Variants in HAS1 observed in about 807,000 individuals in gnomAD.
HAS1 encodes the protein HA synthase 1.
In HAS1, 27 loss-of-function variants were observed where a neutral mutation model predicts 35.0. That is an observed-to-expected ratio of 0.77 (90% confidence interval 0.57 to 1.06). The LOEUF (loss-of-function observed/expected upper bound fraction) is 1.06, where lower values mean the gene tolerates loss of function less well. HAS1 is among the 50% of genes least tolerant of loss of function. The pLI is 0.00. For synonymous variants in HAS1, 409 were observed against 371.2 expected, an observed-to-expected ratio of 1.10 and a Z score of -1.17; for missense variants, 940 against 814.8, an observed-to-expected ratio of 1.15 and a Z score of -1.87.
chr19:51,715,513 T>C (rs778279284), intron 4 of HAS1, among the ~76,000 whole-genome samples: 52 of 152,186 alleles, frequency 3.4e-4, no homozygotes, highest in Non-Finnish European at 6.3e-4. Context: ...ATGTTCTACT[T>C]ATTTATTTCT....
At chr19:51,718,091 G>C in intron 2 of HAS1, 1 of 171,276 alleles carries the variant, frequency 5.8e-6, no homozygotes, top group Non-Finnish European at 1.3e-5. Context: ...ACAAAAATTA[G>C]CCAGGCATGA....
At position 51,713,194 on chromosome 19, in the gene HAS1, T is replaced by C. The variant is rs3829650; in HGVS notation, c.*233A>G. 2 of 398,130 alleles carry C rather than the reference T, an allele frequency of 5.0e-6. No individual in the cohort carries two copies. Among genetic ancestry groups the C allele is most frequent in the South Asian group, 1.6e-4 (2 of 12,334 alleles). 24.7% of individuals were successfully genotyped at this position (398,130 alleles called of 1,614,324 possible). A position where few individuals can be genotyped will look rare whatever the true frequency, so the allele number is the denominator to read the frequency against. On this transcript the variant is annotated 3_prime_UTR_variant, in exon 5 of 5. Transcript: ENST00000540069. The surrounding 1 kb of genome is among the most constrained non-coding windows in gnomAD (Gnocchi z 4.5). Reference sequence around the variant, plus strand: ...TAAGAACGAGGAGAAAGCAGGACCCTTTCCCTCCACTCCTCAGATCCCACA... The same window carrying C: ...TAAGAACGAGGAGAAAGCAGGACCCCTTCCCTCCACTCCTCAGATCCCACA...
chr19:51,715,011 C>T (rs2083577553), intron 4 of HAS1, among the ~76,000 whole-genome samples: 1 of 152,082 alleles, frequency 6.6e-6, no homozygotes, highest in Admixed American at 6.6e-5. Flanking sequence ...CTCAAGGGAA[C>T]CATCAGGCCT....
At chr19:51,722,950 G>C (rs138187792) in intron 1 of HAS1, among the ~76,000 whole-genome samples, 52 of 152,270 alleles carry the variant, frequency 3.4e-4, no homozygotes, top group African/African-American at 1.2e-3. Context: ...CATTTCTAGA[G>C]GACAAAACTG....
At chr19:51,721,747 C>CA (rs2083633014) in intron 1 of HAS1, among the ~76,000 whole-genome samples, 1 of 152,082 alleles carries the variant, frequency 6.6e-6, no homozygotes, top group Admixed American at 6.5e-5. Context: ...GCCTGGGTGA[C>CA]AGTGCGAGAC....
chr19:51,714,711 G>A (rs1005145042), intron 4 of HAS1, among the ~76,000 whole-genome samples: 38 of 60,918 alleles, frequency 6.2e-4, no homozygotes, highest in African/African-American at 1.9e-3. Context: ...AAAAAAAAAG[G>A]CTCTCATAAG....
intron 1 of HAS1, 54 bp downstream of exon 1, chr19:51,723,871 C>A (rs1209766885): frequency 2.4e-6 from 3 of 1,270,486 alleles, no homozygotes; most frequent in East Asian, 3.8e-5. Context: ...GTAGTTTTCC[C>A]CACATGGCTG....
chr19:51,722,558 A>T (rs956002354), intron 1 of HAS1, among the ~76,000 whole-genome samples: 6 of 152,256 alleles, frequency 3.9e-5, no homozygotes, highest in Admixed American at 6.5e-5. Flanking sequence ...CTGCAGGCTA[A>T]GAATTTGTGT....
At chr19:51,721,134 G>A (rs7253658) in intron 1 of HAS1, among the ~76,000 whole-genome samples, 1,793 of 152,322 alleles carry the variant, frequency 0.012, 29 homozygotes, top group African/African-American at 0.04. Flanking sequence ...TCCCTGGAAA[G>A]CAGAGGAACC....
rs1343493579 is a variant in HAS1 at position 51,713,811 on chromosome 19, C to T, written c.1350G>A (p.Trp450Ter). The T allele has an allele frequency of 6.2e-7, 1 of 1,606,408 alleles. No homozygotes were observed. Among genetic ancestry groups the T allele is most frequent in the East Asian group, 2.2e-5 (1 of 44,650 alleles). ...GCACCATGCGCAGGCAGCCCCGCAG[C>T]CAGGCCGCGAAGGCCGCCTTGGCCA... ...VALAKAAFAA[W>*]LRGCLRMVLL... is the part of the protein sequence containing the mutation. The change falls in exon 5 of 5, where the codon TGG becomes TGA. Residue 450 changes from tryptophan (W) to a stop codon, truncating the protein, a stop_gained. Coordinates refer to ENST00000540069, the MANE Select transcript of HAS1 (RefSeq NM_001297436.2). LOFTEE classifies it low-confidence loss of function (END_TRUNC). The surrounding 1 kb of genome is among the most constrained non-coding windows in gnomAD (Gnocchi z 4.5).
chr19:51,723,882 T>TACACACACACACACAC, intron 1 of HAS1, 43 bp downstream of exon 1: 1 of 659,644 alleles, frequency 1.5e-6, no homozygotes, highest in East Asian at 6.6e-5. Flanking sequence ...CACATGGCTG[T>TACACACACACACACAC]ATACACACAC....
At chr19:51,717,225 G>T (rs781431255) in intron 2 of HAS1, 32 bp from the exon 3 acceptor site, 7 of 1,444,676 alleles carry the variant, frequency 4.8e-6, no homozygotes, top group Non-Finnish European at 5.8e-6. Flanking sequence ...GATCAGCACA[G>T]ACCCCTGCAT....
chr19:51,713,863 A>G lies in HAS1; in HGVS notation c.1298T>C (p.Val433Ala), dbSNP rs199734719. The G allele has an allele frequency of 1.5e-5, 24 of 1,606,728 alleles. No homozygotes were observed. In the African/African-American group the frequency reaches 3.1e-4, roughly 21 times the overall value. ...YAGRPWALLW[V>A]LLCVQGVALA... ...TGCCACGCCCTGCACGCACAGCAGC[A>G]CCCACAGCAGCGCCCAAGGGCGGCC... Residue 433 changes from valine (V) to alanine (A), a missense_variant, in exon 5 of 5, where the codon GTG (valine) becomes GCG (alanine). Physicochemically the swap from Val to Ala is moderately conservative, Grantham distance 64. Coordinates refer to ENST00000540069, the MANE Select transcript of HAS1 (RefSeq NM_001297436.2). This position sits in a 1 kb window ranked among gnomAD's most constrained non-coding sequence, Gnocchi z 4.5.
Position 51,713,623 on chromosome 19 carries a change from A to C in HAS1, c.1538T>G (p.Leu513Arg), listed in dbSNP as rs1332449531. ...TGCTACGCTGCGGACCAGGCCCCCAAGCAGCAGCAGCGCCCAGAGCGCCAG... is the reference window on the plus strand; with the variant it reads ...TGCTACGCTGCGGACCAGGCCCCCACGCAGCAGCAGCGCCCAGAGCGCCAG... ...LPLALWALLL[L>R]GGLVRSVAHE... Residue 513 changes from leucine (L) to arginine (R), a missense_variant, in exon 5 of 5, where the codon CTT (leucine) becomes CGT (arginine). Transcript: ENST00000540069. The surrounding 1 kb of genome is among the most constrained non-coding windows in gnomAD (Gnocchi z 4.5). 1 of 1,560,324 alleles carries C rather than the reference A, an allele frequency of 6.4e-7. No individual in the cohort carries two copies. Among genetic ancestry groups the C allele is most frequent in the Non-Finnish European group, 8.7e-7 (1 of 1,152,372 alleles).
At chr19:51,718,762 C>T (rs1431472973) in intron 2 of HAS1, among the ~76,000 whole-genome samples, 3 of 152,160 alleles carry the variant, frequency 2.0e-5, no homozygotes, top group African/African-American at 7.2e-5. Context: ...GTCTAGAACT[C>T]CTGACCTCAG....
chr19:51,717,086 A>G lies in HAS1; in HGVS notation c.807T>C (p.Leu269=), dbSNP rs757687431. ...AGCTGACCCAGGAGTCCAGAGGGTT[A>G]AGGATCCGCACGTCCCCACCAACAG... ...VGAVGGDVRI[L]NPLDSWVSFL... is the part of the protein sequence containing the mutation. The change falls in exon 3 of 5, where the codon CTT becomes CTC. Residue 269 remains leucine, a synonymous_variant. Transcript: ENST00000540069. 1.9e-6 allele frequency: 3 copies of G among 1,613,986 alleles called. No homozygotes were observed. The highest frequency in any genetic ancestry group is 2.5e-6 in the Non-Finnish European group (3 of 1,179,916).
At chr19:51,714,133 C>T (rs377646555) in intron 4 of HAS1, 31 bp from the exon 5 acceptor site, 113 of 1,595,052 alleles carry the variant, frequency 7.1e-5, no homozygotes, top group Non-Finnish European at 9.1e-5. Flanking sequence ...AGGGCATCAT[C>T]GCGTGCTCCC....
chr19:51,713,410 C>T lies in HAS1; in HGVS notation c.*17G>A. ...CCTCCCCTGAAGACCCTTGAGGCGG[C>T]ATCCGCGTGGCTGGACTCACACCTG... On this transcript the variant is annotated 3_prime_UTR_variant, in exon 5 of 5. Coordinates refer to ENST00000540069, the MANE Select transcript of HAS1 (RefSeq NM_001297436.2). The surrounding 1 kb of genome is among the most constrained non-coding windows in gnomAD (Gnocchi z 4.5). The T allele has an allele frequency of 6.7e-7, 1 of 1,482,940 alleles. No homozygotes were observed. Among genetic ancestry groups the T allele is most frequent in the Non-Finnish European group, 9.0e-7 (1 of 1,115,832 alleles). The allele number at this position is 1,482,940 out of a possible 1,614,324, so 91.9% of individuals were successfully genotyped here.
At position 51,717,152 on chromosome 19, in the gene HAS1, C is replaced by T. The variant is rs1469525024; in HGVS notation, c.741G>A (p.Leu247=). The T allele has an allele frequency of 8.7e-6, 14 of 1,613,738 alleles. No homozygotes were observed. Among genetic ancestry groups the T allele is most frequent in the Non-Finnish European group, 1.1e-5 (13 of 1,179,934 alleles). ...CCTCGTCCAGTACCCGCACGAGCTC[C>T]AGCAGTGCCATGGGGTCCAACCTTG... ...SDTRLDPMAL[L]ELVRVLDEDP... Residue 247 remains leucine (L), a synonymous_variant, in exon 3 of 5, where the codon CTG becomes CTA. Transcript: ENST00000540069.
Sources: gnomAD v4.1 joint callset for allele counts (sites outside exome capture counted in the v4.1 genomes callset) on GRCh38, gnomAD v4.1.1 for gene constraint, Gnocchi (gnomAD v3.1) non-coding constraint, MANE v1.5 for transcripts, NCBI Gene and HGNC (gene_info 2026-07-23, HGNC 2026-07-21) for gene names.